MEGF11: variants seen among roughly 807,000 people sequenced by gnomAD.
MEGF11 encodes the protein multiple EGF like domains 11.
In MEGF11, 126 loss-of-function variants were observed where a neutral mutation model predicts 146.6. The observed-to-expected ratio is 0.86, with a 90% CI of 0.74 to 1.00. The LOEUF is 1.00. Among genes scored for constraint, MEGF11 ranks in the 50% least tolerant of loss-of-function variants. The pLI, the probability that MEGF11 is intolerant of heterozygous loss-of-function variation, is 0.00. For synonymous variants in MEGF11, 532 were observed against 583.4 expected (o/e 0.91, Z 1.27); for missense variants, 1,509 against 1,521.2 (o/e 0.99, Z 0.13).
intron 10 of MEGF11, among the ~76,000 whole-genome samples, chr15:65,948,213 A>G (rs2080267687): frequency 6.6e-6 from 1 of 152,018 alleles, no homozygotes; most frequent in Non-Finnish European, 1.5e-5. Flanking sequence ...GTAAAGGTGG[A>G]AAGAACAGTA....
intron 10 of MEGF11, among the ~76,000 whole-genome samples, chr15:65,939,187 C>T (rs1354694959): frequency 6.6e-6 from 1 of 152,192 alleles, no homozygotes; most frequent in Non-Finnish European, 1.5e-5. Flanking sequence ...GCCTGCCAGC[C>T]TGTGGGAGCT....
intron 4 of MEGF11, among the ~76,000 whole-genome samples, chr15:66,111,116 T>G (rs1052828399): frequency 3.3e-5 from 5 of 152,244 alleles, no homozygotes; most frequent in African/African-American, 1.2e-4. Flanking sequence ...TTAGCCTCTC[T>G]GAGCTTCAGT....
At chr15:66,154,761 C>A (rs2089693643) in intron 1 of MEGF11, among the ~76,000 whole-genome samples, 1 of 152,166 alleles carries the variant, frequency 6.6e-6, no homozygotes, top group Non-Finnish European at 1.5e-5. Flanking sequence ...CAACCAGCCA[C>A]CCCTGTTGGG....
At chr15:66,081,005 A>C (rs1011718822) in intron 5 of MEGF11, among the ~76,000 whole-genome samples, 1 of 152,214 alleles carries the variant, frequency 6.6e-6, no homozygotes, top group East Asian at 1.9e-4. Context: ...CAGTGAAAAA[A>C]CAACTCGAGA....
chr15:65,964,766 G>C, intron 9 of MEGF11, 142 bp downstream of exon 9: 1 of 753,662 alleles, frequency 1.3e-6, no homozygotes, highest in African/African-American at 1.8e-5. Context: ...GTGGTTCTCA[G>C]GGCTCAGTGC....
chr15:66,139,564 AAAG>A (rs1210473409), intron 1 of MEGF11, among the ~76,000 whole-genome samples: 1 of 151,892 alleles, frequency 6.6e-6, no homozygotes, highest in Non-Finnish European at 1.5e-5. Flanking sequence ...GTGGATTATG[AAAG>A]AAGGATGAAA....
intron 5 of MEGF11, among the ~76,000 whole-genome samples, chr15:66,001,222 C>A (rs543921915): frequency 2.0e-5 from 3 of 152,206 alleles, no homozygotes; most frequent in African/African-American, 7.2e-5. Flanking sequence ...GGAGTCCCCC[C>A]ACACATCCAC....
At chr15:65,903,095 A>G (rs1408076092) in intron 24 of MEGF11, among the ~76,000 whole-genome samples, 1 of 152,150 alleles carries the variant, frequency 6.6e-6, no homozygotes, top group East Asian at 1.9e-4. Flanking sequence ...ATTGAGAGAT[A>G]GGAGGAGGAG....
At chr15:66,082,459 AAAAAAAAAT>A (rs2085907826) in intron 5 of MEGF11, among the ~76,000 whole-genome samples, 4 of 87,032 alleles carry the variant, frequency 4.6e-5, no homozygotes, top group Non-Finnish European at 9.0e-5. Flanking sequence ...AAAAAAAAAA[AAAAAAAAAT>A]CTATCTATCT....
At chr15:65,981,677 C>T (rs541735763) in intron 6 of MEGF11, among the ~76,000 whole-genome samples, 4 of 152,186 alleles carry the variant, frequency 2.6e-5, no homozygotes, top group East Asian at 3.9e-4. Context: ...TCTTGTAGGT[C>T]TCCTGTCAAT....
intron 1 of MEGF11, among the ~76,000 whole-genome samples, chr15:66,215,746 G>T (rs960852037): frequency 6.6e-6 from 1 of 152,166 alleles, no homozygotes; most frequent in Non-Finnish European, 1.5e-5. Flanking sequence ...GGGAGGAGAT[G>T]CTCTCCAGAC....
At chr15:66,241,984 T>C (rs1449178491) in intron 1 of MEGF11, among the ~76,000 whole-genome samples, 2 of 152,148 alleles carry the variant, frequency 1.3e-5, no homozygotes, top group African/African-American at 4.8e-5. Context: ...AACATAGCCA[T>C]ACTGACAACT....
chr15:65,963,612 C>CG (rs2080948371), intron 9 of MEGF11, among the ~76,000 whole-genome samples: 1 of 152,184 alleles, frequency 6.6e-6, no homozygotes, highest in Middle Eastern at 3.2e-3. Context: ...AGAAGGTGCT[C>CG]GGGGTTTCCT....
intron 5 of MEGF11, among the ~76,000 whole-genome samples, chr15:66,036,761 T>C (rs530475665): frequency 1.3e-5 from 2 of 152,290 alleles, no homozygotes; most frequent in East Asian, 3.9e-4. Context: ...TAAGCTGAAT[T>C]CAGATTGGTA....
chr15:65,996,498 T>TTA (rs1297695819), intron 5 of MEGF11, among the ~76,000 whole-genome samples: 1 of 147,568 alleles, frequency 6.8e-6, no homozygotes, highest in Admixed American at 6.7e-5. Context: ...TTTTTTTTTT[T>TTA]AATCTCAGAT....
intron 5 of MEGF11, among the ~76,000 whole-genome samples, chr15:65,984,626 C>A (rs1278235592): frequency 2.0e-5 from 3 of 150,936 alleles, no homozygotes; most frequent in African/African-American, 7.3e-5. Flanking sequence ...GGGACACACA[C>A]TCAGTGAGCA....
At chr15:65,937,394 C>T (rs1397420365) in intron 10 of MEGF11, among the ~76,000 whole-genome samples, 2 of 152,202 alleles carry the variant, frequency 1.3e-5, no homozygotes, top group African/African-American at 4.8e-5. Flanking sequence ...GAGGTTGTTC[C>T]CCTAAAATCA....
At chr15:66,013,171 G>C (rs140545288) in intron 5 of MEGF11, among the ~76,000 whole-genome samples, 56 of 152,316 alleles carry the variant, frequency 3.7e-4, no homozygotes, top group Non-Finnish European at 2.8e-4. Context: ...TGGAAGCTGA[G>C]CTGGAGGAGA....
intron 1 of MEGF11, among the ~76,000 whole-genome samples, chr15:66,227,920 C>T (rs12441314): frequency 0.32 from 48,347 of 152,014 alleles, 8,134 homozygotes; most frequent in East Asian, 0.64. Flanking sequence ...TCAGACTCCA[C>T]CACCTCCCCA....
Sources: gnomAD v4.1 joint callset for allele counts (sites outside exome capture counted in the v4.1 genomes callset) on GRCh38, gnomAD v4.1.1 for gene constraint, MANE v1.5 for transcripts, NCBI Gene and HGNC (gene_info 2026-07-23, HGNC 2026-07-21) for gene names.